Variants in DCAF1 observed in about 807,000 individuals in gnomAD.
DCAF1 encodes the protein DDB1- and CUL4-associated factor 1.
Under a neutral mutation model 128.0 loss-of-function variants are expected in DCAF1, and 15 were observed. The observed-to-expected ratio is 0.12, with a 90% CI of 0.08 to 0.18. The LOEUF is 0.18. Ranked by LOEUF, DCAF1 falls within the 10% of genes least tolerant of loss-of-function variation. The pLI is 1.00. For missense variants in DCAF1, 988 were observed against 1,649.5 expected (o/e 0.60, Z 6.95); for synonymous variants, 610 against 603.0 (o/e 1.01, Z -0.17).
Position 51,420,963 on chromosome 3 carries a change from C to G in DCAF1, c.2007G>C (p.Glu669Asp), listed in dbSNP as rs985408708. Reference sequence around the variant, plus strand: ...GAATTTCAGCATCATGGATGAAGAACTCACCCTCAGCCACTCCCAAAATAA... The same window carrying G: ...GAATTTCAGCATCATGGATGAAGAAGTCACCCTCAGCCACTCCCAAAATAA... Reference protein sequence around the residue: ...ISIILGVAEGEFFIHDAEIQK... With the variant: ...ISIILGVAEGDFFIHDAEIQK... Residue 669 changes from glutamate to aspartate, a missense_variant, in exon 15 of 25, where the codon GAG becomes GAC. Transcript: ENST00000684031. The surrounding 1 kb of genome is among the most constrained non-coding windows in gnomAD (Gnocchi z 6.5). 1 of 1,613,830 alleles carries G rather than the reference C, an allele frequency of 6.2e-7. No homozygotes were observed. Among genetic ancestry groups the G allele is most frequent in the Admixed American group, 1.7e-5 (1 of 60,010 alleles).
At chr3:51,418,072 T>C (rs1553631014) in intron 17 of DCAF1, 44 bp downstream of exon 17, 4 of 1,578,516 alleles carry the variant, frequency 2.5e-6, no homozygotes, top group Non-Finnish European at 3.4e-6. Context: ...GGGTATAAAC[T>C]AGGTAAATAA....
chr3:51,423,024 C>T (rs1699554566), intron 13 of DCAF1, among the ~76,000 whole-genome samples: 1 of 151,618 alleles, frequency 6.6e-6, no homozygotes, highest in Admixed American at 6.6e-5. Context: ...GCCGTGATTA[C>T]ACCACTGCAC....
At position 51,419,839 on chromosome 3, in the gene DCAF1, C is replaced by T. The variant is rs782189293; in HGVS notation, c.3131G>A (p.Arg1044Gln). 1.2e-6 allele frequency: 2 copies of T among 1,614,000 alleles called. No individual in the cohort carries two copies. The highest frequency in any genetic ancestry group is 1.7e-6 in the Non-Finnish European group (2 of 1,179,886). ...TGACGTAAAGTTTATTGGCGCTTGCCGCCTCTGTTTTGGCTCAGGACATTG... is the reference window on the plus strand; with the variant it reads ...TGACGTAAAGTTTATTGGCGCTTGCTGCCTCTGTTTTGGCTCAGGACATTG... ...PHQCPEPKQRRQAPINFTSRL... is the reference protein window; with the variant it reads ...PHQCPEPKQRQQAPINFTSRL... The change falls in exon 15 of 25, where the codon CGG becomes CAG. Residue 1044 changes from arginine (R) to glutamine (Q), a missense_variant. This residue lies in a region of DCAF1 where 105 missense variants were observed against 266.7 expected (regional missense o/e 0.39). Coordinates refer to ENST00000684031, the MANE Select transcript of DCAF1 (RefSeq NM_001387579.1).
chr3:51,467,866 A>G (rs1553647084), intron 4 of DCAF1, among the ~76,000 whole-genome samples: 2 of 152,114 alleles, frequency 1.3e-5, no homozygotes, highest in African/African-American at 4.8e-5. Context: ...CTGACTCCCC[A>G]TCCATAAAAA....
At chr3:51,468,379 C>T (rs1197600079) in intron 4 of DCAF1, among the ~76,000 whole-genome samples, 1 of 152,132 alleles carries the variant, frequency 6.6e-6, no homozygotes, top group East Asian at 1.9e-4. Flanking sequence ...ACCATGTTGG[C>T]CAAGCTGGTC....
At chr3:51,492,571 G>A (rs1553658590) in intron 2 of DCAF1, among the ~76,000 whole-genome samples, 1 of 152,092 alleles carries the variant, frequency 6.6e-6, no homozygotes, top group Non-Finnish European at 1.5e-5. Context: ...TCAGTCACTA[G>A]GAACTGCAAA....
chr3:51,427,036 C>CT (rs1457913367), intron 13 of DCAF1, among the ~76,000 whole-genome samples: 9 of 152,258 alleles, frequency 5.9e-5, no homozygotes, highest in African/African-American at 2.2e-4. Context: ...TAGCAAGACA[C>CT]TTTAAGTACT....
intron 3 of DCAF1, among the ~76,000 whole-genome samples, chr3:51,478,756 T>C (rs755039652): frequency 1.7e-4 from 26 of 152,286 alleles, no homozygotes; most frequent in Non-Finnish European, 3.2e-4. Context: ...TCCGAAGTGC[T>C]GGGATTAGAG....
At chr3:51,461,502 G>A (rs1333797791) in intron 6 of DCAF1, among the ~76,000 whole-genome samples, 3 of 152,000 alleles carry the variant, frequency 2.0e-5, no homozygotes, top group African/African-American at 7.2e-5. Flanking sequence ...AAGTCAGTGT[G>A]GCGATTCCTC....
At chr3:51,471,089 G>T in intron 3 of DCAF1, 84 bp from the exon 4 acceptor site, 1 of 844,504 alleles carries the variant, frequency 1.2e-6, no homozygotes, top group Non-Finnish European at 1.9e-6. Flanking sequence ...AACGGTCAAG[G>T]TAGAAAATAA....
In DCAF1 at chr3:51,398,540, G is replaced by A. The variant is rs2089386645; in HGVS notation, c.*229C>T. 1 of 508,538 alleles carries A rather than the reference G, an allele frequency of 2.0e-6. No individual in the cohort carries two copies. Among genetic ancestry groups the A allele is most frequent in the Non-Finnish European group, 3.5e-6 (1 of 288,282 alleles). The allele number at this position is 508,538 out of a possible 1,614,324, so 31.5% of individuals were successfully genotyped here. On this transcript the variant is annotated 3_prime_UTR_variant, in exon 25 of 25. Coordinates refer to ENST00000684031, the MANE Select transcript of DCAF1 (RefSeq NM_001387579.1). ...TAGGAAATGGTGGGGGGTGGATGTG[G>A]GGGGTGCAGAGTAGGGCCTAGTCCC...
At chr3:51,499,298 C>T (rs1427777270) in intron 1 of DCAF1, among the ~76,000 whole-genome samples, 2 of 152,232 alleles carry the variant, frequency 1.3e-5, no homozygotes, top group Non-Finnish European at 2.9e-5. Context: ...TCTTTCCAAC[C>T]CTTCCCTCTT....
At chr3:51,403,033 T>G in intron 24 of DCAF1, 110 bp downstream of exon 24, 2 of 1,468,336 alleles carry the variant, frequency 1.4e-6, no homozygotes, top group Non-Finnish European at 1.8e-6. Context: ...GTGAATCAAA[T>G]TATGGGGCAC....
At chr3:51,427,942 G>A (rs1343088031) in intron 12 of DCAF1, among the ~76,000 whole-genome samples, 3 of 151,822 alleles carry the variant, frequency 2.0e-5, no homozygotes, top group Non-Finnish European at 4.4e-5. Context: ...GGAATTACAG[G>A]CATGAGCCAC....
At position 51,414,320 on chromosome 3, in the gene DCAF1, A is replaced by G. The variant is rs1377585211; in HGVS notation, c.3838-277T>C. On this transcript the variant is annotated intron_variant, in intron 19 of 24. Coordinates refer to ENST00000684031, the MANE Select transcript of DCAF1 (RefSeq NM_001387579.1). ...TCTTATGTGGCAACTGATTTTTTAC[A>G]GAGCAAAAGTAAAATCCTTCTGAAG... is the stretch of plus-strand genomic sequence containing the variant. 2.0e-5 allele frequency among the ~76,000 whole-genome samples: 3 copies of G among 152,360 alleles called. No homozygotes were observed. In the East Asian group the frequency reaches 5.8e-4, roughly 29 times the overall value.
chr3:51,489,418 G>C (rs922793721), intron 2 of DCAF1, among the ~76,000 whole-genome samples: 1 of 152,078 alleles, frequency 6.6e-6, no homozygotes, highest in Non-Finnish European at 1.5e-5. Context: ...CTGGGCAACA[G>C]AGTGAGACTC....
At chr3:51,422,525 C>A in intron 13 of DCAF1, 94 bp from the exon 14 acceptor site, 1 of 680,242 alleles carries the variant, frequency 1.5e-6, no homozygotes. Context: ...TAGACACATA[C>A]ACACAGAGAC....
At chr3:51,457,872 T>C (rs1227530791) in intron 6 of DCAF1, among the ~76,000 whole-genome samples, 32 of 152,136 alleles carry the variant, frequency 2.1e-4, no homozygotes, top group Non-Finnish European at 1.6e-4. Context: ...CTGAGAGATT[T>C]TGTCACCACC....
At chr3:51,446,223 G>C (rs1487311241) in intron 6 of DCAF1, among the ~76,000 whole-genome samples, 1 of 152,022 alleles carries the variant, frequency 6.6e-6, no homozygotes, top group Admixed American at 6.6e-5. Context: ...TTGAACTCCT[G>C]ACCTCAGGGG....
Sources: gnomAD v4.1 joint callset for allele counts (sites outside exome capture counted in the v4.1 genomes callset) on GRCh38, gnomAD v4.1.1 for gene constraint, gnomAD v4.1.1 regional missense constraint, Gnocchi (gnomAD v3.1) non-coding constraint, MANE v1.5 for transcripts, NCBI Gene and HGNC (gene_info 2026-07-23, HGNC 2026-07-21) for gene names.